Variants in MBD5 observed in about 807,000 individuals in gnomAD.
MBD5 encodes methyl-CpG binding domain protein 5.
MBD5 carries 13 observed loss-of-function variants against 117.3 expected under a neutral mutation model. The observed-to-expected ratio is 0.11, with a 90% CI of 0.07 to 0.18. The LOEUF (loss-of-function observed/expected upper bound fraction) is 0.18, where lower values mean the gene tolerates loss of function less well. MBD5 is among the 10% of genes least tolerant of loss of function. The probability of loss-of-function intolerance (pLI) is 1.00; values close to 1 mark genes in which losing one functional copy is unlikely to be tolerated. For missense variants in MBD5, 1,879 were observed against 2,093.8 expected, an observed-to-expected ratio of 0.90 and a Z score of 2.00; for synonymous variants, 727 against 766.4, an observed-to-expected ratio of 0.95 and a Z score of 0.85.
intron 1 of MBD5, among the ~76,000 whole-genome samples, chr2:148,050,676 G>C (rs981774906): frequency 6.6e-6 from 1 of 152,008 alleles, no homozygotes; most frequent in Admixed American, 6.6e-5. Context: ...TCCCCCCATT[G>C]AATTGCCCTA....
chr2:148,139,448 T>G (rs939751949), intron 1 of MBD5, among the ~76,000 whole-genome samples: 2 of 152,084 alleles, frequency 1.3e-5, no homozygotes, highest in African/African-American at 4.8e-5. Flanking sequence ...TCGGGTGATC[T>G]GCCCGAGGCC....
intron 3 of MBD5, among the ~76,000 whole-genome samples, chr2:148,251,890 C>T (rs774865561): frequency 1.3e-5 from 2 of 152,076 alleles, no homozygotes; most frequent in Admixed American, 6.6e-5. Flanking sequence ...GAGATATCAG[C>T]GCAAAATAAT....
At chr2:148,152,717 C>G (rs1174184578) in intron 1 of MBD5, among the ~76,000 whole-genome samples, 1 of 150,718 alleles carries the variant, frequency 6.6e-6, no homozygotes, top group East Asian at 2.0e-4. Flanking sequence ...CTCTTTTGAT[C>G]TTTGTTGGTT....
At chr2:148,435,251 G>A (rs1033787870) in intron 4 of MBD5, among the ~76,000 whole-genome samples, 1 of 152,056 alleles carries the variant, frequency 6.6e-6, no homozygotes, top group East Asian at 1.9e-4. Flanking sequence ...GGGGCATTTC[G>A]TCCACTTACA....
rs768359954 is a variant in MBD5, at chr2:148,469,545, T to C, written c.1602T>C (p.Asn534=). 11 of 1,613,814 alleles carry C rather than the reference T, an allele frequency of 6.8e-6. No individual in the cohort carries two copies. The South Asian group carries it at 1.1e-4, about 16-fold the overall frequency. Residue 534 remains asparagine (N), a synonymous_variant, in exon 8 of 14, where the codon AAT becomes AAC. Coordinates refer to ENST00000642680, the MANE Select transcript of MBD5 (RefSeq NM_001378120.1). ...PLIAGISNVL[N]TPSSAAFPTA... ...TTGCTGGAATAAGTAATGTACTAAATACCCCAAGCAGTGCAGCTTTTCCTA... is the reference window on the plus strand; with the variant it reads ...TTGCTGGAATAAGTAATGTACTAAACACCCCAAGCAGTGCAGCTTTTCCTA...
At chr2:148,364,682 G>A (rs1027940717) in intron 4 of MBD5, among the ~76,000 whole-genome samples, 1 of 151,920 alleles carries the variant, frequency 6.6e-6, no homozygotes, top group Non-Finnish European at 1.5e-5. Context: ...AAAAAGCAGG[G>A]GTTGCAATCC....
At chr2:148,067,096 T>A (rs111316229) in intron 1 of MBD5, among the ~76,000 whole-genome samples, 10 of 152,312 alleles carry the variant, frequency 6.6e-5, no homozygotes, top group African/African-American at 2.2e-4. Flanking sequence ...TGGTTAATGC[T>A]AAGAAACACT....
chr2:148,161,103 G>C (rs549472016), intron 1 of MBD5, among the ~76,000 whole-genome samples: 10 of 152,206 alleles, frequency 6.6e-5, no homozygotes, highest in African/African-American at 2.4e-4. Flanking sequence ...CCGATATATA[G>C]TTTACATACA....
chr2:148,079,329 T>C (rs895689366), intron 1 of MBD5, among the ~76,000 whole-genome samples: 2 of 152,212 alleles, frequency 1.3e-5, no homozygotes, highest in Non-Finnish European at 2.9e-5. Flanking sequence ...TACAGGATGA[T>C]AGTAGTATTG....
chr2:148,490,341 A>G lies in MBD5; in HGVS notation c.4709A>G (p.Asn1570Ser). The change falls in exon 11 of 14, where the codon AAT becomes AGT. Residue 1570 changes from asparagine (N) to serine (S), a missense_variant. This residue lies in a region of MBD5 where 1,666 missense variants were observed against 1,792.2 expected (regional missense o/e 0.93). Transcript: ENST00000642680. ...CTGGTCAAAGACTACATCCATTACA[A>G]TGGAGACTTTAATGCCAAAAGCGTT... The part of the protein sequence containing the change: ...NSLVKDYIHY[N>S]GDFNAKSVNG... 1 of 1,614,196 alleles carries G rather than the reference A, an allele frequency of 6.2e-7. No individual in the cohort carries two copies. The highest frequency in any genetic ancestry group is 8.5e-7 in the Non-Finnish European group (1 of 1,180,034).
At chr2:148,272,517 C>T (rs1392022991) in intron 3 of MBD5, among the ~76,000 whole-genome samples, 1 of 152,062 alleles carries the variant, frequency 6.6e-6, no homozygotes, top group South Asian at 2.1e-4. Context: ...CTTTAATTTT[C>T]ATTTCCTCGA....
chr2:148,312,313 C>T (rs1178891950), intron 3 of MBD5, among the ~76,000 whole-genome samples: 1 of 152,222 alleles, frequency 6.6e-6, no homozygotes, highest in Non-Finnish European at 1.5e-5. Flanking sequence ...GGTCTTTTCA[C>T]ATAGTCCCAT....
chr2:148,179,321 C>T (rs2105843624), intron 2 of MBD5, among the ~76,000 whole-genome samples: 1 of 150,120 alleles, frequency 6.7e-6, no homozygotes, highest in Non-Finnish European at 1.5e-5. Context: ...CACCACTGCA[C>T]TCCAGCCTGG....
At chr2:148,259,386 T>TG (rs1377763404) in intron 3 of MBD5, among the ~76,000 whole-genome samples, 2 of 152,192 alleles carry the variant, frequency 1.3e-5, no homozygotes, top group Non-Finnish European at 2.9e-5. Context: ...CCATGCTTGC[T>TG]GGGGACCCAT....
chr2:148,458,942 GT>G, intron 5 of MBD5, 71 bp downstream of exon 5: 3 of 1,161,218 alleles, frequency 2.6e-6, no homozygotes, highest in Non-Finnish European at 3.9e-6. Flanking sequence ...ACCAAGCATG[GT>G]GACTGATGGC....
chr2:148,380,961 C>A (rs1295571818), intron 4 of MBD5, among the ~76,000 whole-genome samples: 3 of 152,112 alleles, frequency 2.0e-5, no homozygotes, highest in Non-Finnish European at 4.4e-5. Flanking sequence ...ACACCAAAAA[C>A]CCATCTGTAC....
intron 7 of MBD5, among the ~76,000 whole-genome samples, chr2:148,467,380 C>T (rs1680584946): frequency 6.6e-6 from 1 of 152,070 alleles, no homozygotes; most frequent in Non-Finnish European, 1.5e-5. Context: ...TGAAGGGATT[C>T]CAAACAGCCA....
chr2:148,420,958 G>T (rs1213789195), intron 4 of MBD5, among the ~76,000 whole-genome samples: 1 of 151,990 alleles, frequency 6.6e-6, no homozygotes, highest in Admixed American at 6.6e-5. Flanking sequence ...TGAATTCCTG[G>T]GCTCAAGTGA....
intron 4 of MBD5, among the ~76,000 whole-genome samples, chr2:148,451,926 A>C (rs565045480): frequency 6.6e-6 from 1 of 152,302 alleles, no homozygotes; most frequent in African/African-American, 2.4e-5. Context: ...CAGCTTGATA[A>C]ATCAATAATT....
Sources: allele counts gnomAD v4.1 joint callset (sites outside exome capture counted in the v4.1 genomes callset), GRCh38; gene constraint gnomAD v4.1.1; regional missense constraint gnomAD v4.1.1; transcripts MANE v1.5; gene names NCBI Gene and HGNC (gene_info 2026-07-23, HGNC 2026-07-21).